CTNNA3: variants seen among roughly 807,000 people sequenced by gnomAD.
The protein encoded by CTNNA3 is catenin alpha 3.
A neutral mutation model predicts 95.7 loss-of-function variants in CTNNA3; 76 were observed. The ratio of observed to expected loss-of-function variants is 0.79; its 90% confidence interval spans 0.66 to 0.96. The LOEUF (loss-of-function observed/expected upper bound fraction) is 0.96, where lower values mean the gene tolerates loss of function less well. CTNNA3 is among the 40% of genes least tolerant of loss of function. The pLI, the probability that CTNNA3 is intolerant of heterozygous loss-of-function variation, is 0.00. For missense variants in CTNNA3, 1,191 were observed against 1,089.8 expected, an observed-to-expected ratio of 1.09 and a Z score of -1.31; for synonymous variants, 431 against 374.4, an observed-to-expected ratio of 1.15 and a Z score of -1.74.
chr10:67,496,447 T>TA (rs35772958), intron 5 of CTNNA3, among the ~76,000 whole-genome samples: 3 of 152,054 alleles, frequency 2.0e-5, no homozygotes, highest in Non-Finnish European at 4.4e-5. Flanking sequence ...CTTGCCTTTT[T>TA]AAAAAAAATC....
At chr10:66,142,202 T>C (rs2083654550) in intron 13 of CTNNA3, among the ~76,000 whole-genome samples, 1 of 152,184 alleles carries the variant, frequency 6.6e-6, no homozygotes, top group Non-Finnish European at 1.5e-5. Flanking sequence ...GTGTCTAAAT[T>C]CTTTTCATTT....
At chr10:67,691,094 G>C (rs1022840665) in intron 1 of CTNNA3, among the ~76,000 whole-genome samples, 3 of 152,200 alleles carry the variant, frequency 2.0e-5, no homozygotes, top group Admixed American at 1.3e-4. Flanking sequence ...GGGTTTCACT[G>C]TGTCGGCCGG....
At chr10:65,941,983 C>T (rs2077437570) in intron 17 of CTNNA3, among the ~76,000 whole-genome samples, 1 of 152,152 alleles carries the variant, frequency 6.6e-6, no homozygotes, top group Non-Finnish European at 1.5e-5. Context: ...TTGCCTGCCC[C>T]AAGCCCTCGT....
In CTNNA3 at chr10:67,488,407, T is replaced by C. The variant is rs924584553; in HGVS notation, c.579+33435A>G. Among the ~76,000 whole-genome samples the C allele has an allele frequency of 3.3e-5, 5 of 152,302 alleles. No individual in the cohort carries two copies. The South Asian group carries it at 1.0e-3, about 32-fold the overall frequency. On this transcript the variant is annotated intron_variant, in intron 5 of 17. Transcript: ENST00000433211. ...TTTTTGAGACGGAGTTTTGCTCTTG[T>C]TGCCCAGGCTGGAGTGTAGTGGCGC...
At chr10:66,495,909 T>A (rs1021549777) in intron 11 of CTNNA3, among the ~76,000 whole-genome samples, 7 of 152,102 alleles carry the variant, frequency 4.6e-5, no homozygotes, top group African/African-American at 1.7e-4. Context: ...CTGCCTGCCT[T>A]GGCCTCCCAA....
At chr10:67,421,385 T>C (rs1188333771) in intron 5 of CTNNA3, among the ~76,000 whole-genome samples, 1 of 152,232 alleles carries the variant, frequency 6.6e-6, no homozygotes, top group East Asian at 1.9e-4. Flanking sequence ...TCAGGGTGTT[T>C]TTGTTGTTAT....
chr10:67,073,365 T>C (rs1336599519), intron 7 of CTNNA3, among the ~76,000 whole-genome samples: 2 of 152,218 alleles, frequency 1.3e-5, no homozygotes. Context: ...TTCAACCATA[T>C]TGCTTTTTTT....
At chr10:66,482,864 C>T (rs553971857) in intron 11 of CTNNA3, among the ~76,000 whole-genome samples, 8 of 152,070 alleles carry the variant, frequency 5.3e-5, no homozygotes, top group South Asian at 2.1e-4. Flanking sequence ...GCTTTTGCAC[C>T]ACTTTCCTTT....
intron 7 of CTNNA3, among the ~76,000 whole-genome samples, chr10:66,972,992 A>G (rs1849813801): frequency 6.6e-6 from 1 of 152,212 alleles, no homozygotes; most frequent in African/African-American, 2.4e-5. Flanking sequence ...TGTCAGTATT[A>G]AAAACTAAGT....
chr10:66,818,042 A>T (rs1842157919), intron 7 of CTNNA3, among the ~76,000 whole-genome samples: 2 of 151,942 alleles, frequency 1.3e-5, no homozygotes, highest in African/African-American at 4.8e-5. Context: ...CCAAAACCAC[A>T]TGATCATCAT....
rs373311231 is a variant in CTNNA3 at position 67,580,151 on chromosome 10, C to T, written c.292+26706G>A. Among the ~76,000 whole-genome samples, 7 of 152,174 alleles carry T rather than the reference C, an allele frequency of 4.6e-5. No homozygotes were observed. The South Asian group carries it at 1.4e-3, about 32-fold the overall frequency. On this transcript the variant is annotated intron_variant, in intron 3 of 17. Coordinates refer to ENST00000433211, the MANE Select transcript of CTNNA3 (RefSeq NM_013266.4). ...GCCTGTGCCTATGTCCTGAATGGTA[C>T]TGCCTAGGTTTTCTTCTAGGGCTCT...
rs191465430 is a variant in CTNNA3 at position 66,772,013 on chromosome 10, G to C, written c.1128+3431C>G. Among the ~76,000 whole-genome samples the C allele has an allele frequency of 2.1e-3, 247 of 118,700 alleles. 1 individual carries two copies. The highest frequency in any genetic ancestry group is 8.7e-3 in the African/African-American group (233 of 26,820). The allele number at this position is 118,700 out of a possible 152,430, so 77.9% of individuals were successfully genotyped here. On this transcript the variant is annotated intron_variant, in intron 8 of 17. Coordinates refer to ENST00000433211, the MANE Select transcript of CTNNA3 (RefSeq NM_013266.4). ...GCTTATGAGTTGGGGTTGTGTGTAA[G>C]GAGAGTGAGTGGGGAAGGCATCAAG... is the stretch of plus-strand genomic sequence containing the variant.
At chr10:67,381,699 C>T (rs1399789014) in intron 5 of CTNNA3, among the ~76,000 whole-genome samples, 2 of 152,152 alleles carry the variant, frequency 1.3e-5, no homozygotes, top group Non-Finnish European at 2.9e-5. Flanking sequence ...ACATATACAA[C>T]ATACATACAG....
intron 3 of CTNNA3, among the ~76,000 whole-genome samples, chr10:67,555,930 G>A (rs981701000): frequency 1.3e-5 from 2 of 152,034 alleles, no homozygotes; most frequent in Non-Finnish European, 2.9e-5. Flanking sequence ...TATGTCCAAT[G>A]AATACCTAAT....
At chr10:66,371,456 G>C (rs1000241004) in intron 12 of CTNNA3, among the ~76,000 whole-genome samples, 3 of 152,162 alleles carry the variant, frequency 2.0e-5, no homozygotes, top group South Asian at 4.1e-4. Context: ...CAGAAATAAA[G>C]CAGGCTTTTA....
intron 16 of CTNNA3, among the ~76,000 whole-genome samples, chr10:65,972,650 T>A (rs952552220): frequency 1.3e-5 from 2 of 151,570 alleles, no homozygotes; most frequent in African/African-American, 2.4e-5. Context: ...AAGTGAAAGA[T>A]CTCTACAAGG....
chr10:67,449,312 T>A (rs1015007664), intron 5 of CTNNA3, among the ~76,000 whole-genome samples: 1 of 152,224 alleles, frequency 6.6e-6, no homozygotes, highest in Non-Finnish European at 1.5e-5. Context: ...TAACATTCTT[T>A]ACAGAACTAG....
At chr10:65,958,706 C>G (rs1274650420) in intron 17 of CTNNA3, among the ~76,000 whole-genome samples, 1 of 152,132 alleles carries the variant, frequency 6.6e-6, no homozygotes, top group Admixed American at 6.5e-5. Context: ...TGCAGAACAG[C>G]AAATATTGCA....
chr10:66,866,055 A>G (rs867724448), intron 7 of CTNNA3, among the ~76,000 whole-genome samples: 24 of 152,304 alleles, frequency 1.6e-4, no homozygotes, highest in Middle Eastern at 3.4e-3. Context: ...TAAAATAAAT[A>G]TAAAGGTTAT....
Sources: allele counts gnomAD v4.1 joint callset (sites outside exome capture counted in the v4.1 genomes callset), GRCh38; gene constraint gnomAD v4.1.1; transcripts MANE v1.5; gene names NCBI Gene and HGNC (gene_info 2026-07-23, HGNC 2026-07-21).